The following MAST2 variants were observed in gnomAD, a reference collection of about 807,000 sequenced individuals.
MAST2 encodes the protein microtubule-associated serine/threonine-protein kinase 2.
In MAST2, 70 loss-of-function variants were observed where a neutral mutation model predicts 147.4. The observed-to-expected ratio is 0.47, with a 90% confidence interval of 0.39 to 0.58. The LOEUF is 0.58. Ranked by LOEUF, MAST2 falls within the 20% of genes least tolerant of loss-of-function variation. The pLI, the probability that MAST2 is intolerant of heterozygous loss-of-function variation, is 0.00. For synonymous variants in MAST2, 869 were observed against 896.8 expected, an observed-to-expected ratio of 0.97 and a Z score of 0.55; for missense variants, 2,080 against 2,302.3, an observed-to-expected ratio of 0.90 and a Z score of 1.98.
chr1:45,987,305 A>G (rs1299188706), intron 5 of MAST2, among the ~76,000 whole-genome samples: 3 of 151,400 alleles, frequency 2.0e-5, no homozygotes, highest in South Asian at 4.2e-4. Flanking sequence ...AAACCTGTGT[A>G]TGTTCTTTGT....
chr1:46,005,890 C>T (rs1243796412), intron 7 of MAST2, among the ~76,000 whole-genome samples: 2 of 152,084 alleles, frequency 1.3e-5, no homozygotes, highest in Non-Finnish European at 2.9e-5. Flanking sequence ...TGTGGAAGGG[C>T]GAACTTAAGA....
At chr1:45,986,170 A>G (rs1425589935) in intron 5 of MAST2, among the ~76,000 whole-genome samples, 2 of 152,216 alleles carry the variant, frequency 1.3e-5, no homozygotes, top group African/African-American at 4.8e-5. Context: ...TAAGTTTGTC[A>G]TAGATACCCT....
chr1:45,921,198 G>T (rs6660835), intron 4 of MAST2, among the ~76,000 whole-genome samples: 1 of 151,860 alleles, frequency 6.6e-6, no homozygotes. Flanking sequence ...GTTTCACCAC[G>T]TTGGTCAGGC....
intron 4 of MAST2, among the ~76,000 whole-genome samples, chr1:45,888,393 C>T (rs146384667): frequency 7.3e-4 from 111 of 152,114 alleles, no homozygotes; most frequent in Middle Eastern, 3.4e-3. Context: ...GACTGAGTCT[C>T]GCTCTGTGGT....
At position 45,872,353 on chromosome 1, in the gene MAST2, C is replaced by T. The variant is rs149565681; in HGVS notation, c.469-10011C>T. On this transcript the variant is annotated intron_variant, in intron 3 of 28. Coordinates refer to ENST00000361297, the MANE Select transcript of MAST2 (RefSeq NM_015112.3). ...CTTGCATATTTACTTGTGGGGGTAG[C>T]GGTTACTGCCTTTGGACACTTGGCC... Among the ~76,000 whole-genome samples the T allele has an allele frequency of 1.8e-4, 27 of 152,184 alleles. No homozygotes were observed. In the East Asian group the frequency reaches 3.9e-3, roughly 22 times the overall value.
intron 4 of MAST2, among the ~76,000 whole-genome samples, chr1:45,916,300 T>G (rs145460429): frequency 4.6e-5 from 7 of 152,350 alleles, no homozygotes; most frequent in African/African-American, 1.7e-4. Flanking sequence ...AGTAATTTTT[T>G]TACCTTGGAA....
intron 6 of MAST2, among the ~76,000 whole-genome samples, chr1:45,998,201 C>T (rs1645134081): frequency 6.6e-6 from 1 of 152,126 alleles, no homozygotes; most frequent in African/African-American, 2.4e-5. Flanking sequence ...ACTCTTTGTC[C>T]TCTCTAACTC....
rs1272087600 is a variant in MAST2 at position 46,008,371 on chromosome 1, G to A, written c.978G>A (p.Lys326=). The change falls in exon 9 of 29, where the codon AAG becomes AAA. Residue 326 remains lysine (K), a splice_region_variant and synonymous_variant. Coordinates refer to ENST00000361297, the MANE Select transcript of MAST2 (RefSeq NM_015112.3). ...MNHVYKERFP[K]ATAQMEERLA... is the part of the protein sequence containing the mutation. ...ATGTTTACAAAGAAAGATTCCCAAAGGTAAGGATCCATTTAAAAGGAGAGT... is the reference window on the plus strand; with the variant it reads ...ATGTTTACAAAGAAAGATTCCCAAAAGTAAGGATCCATTTAAAAGGAGAGT... 24 of 1,608,794 alleles carry A rather than the reference G, an allele frequency of 1.5e-5. No individual in the cohort carries two copies. The highest frequency in any genetic ancestry group is 2.0e-5 in the Non-Finnish European group (24 of 1,175,294).
At chr1:45,904,823 T>C (rs914123498) in intron 4 of MAST2, among the ~76,000 whole-genome samples, 4 of 152,056 alleles carry the variant, frequency 2.6e-5, no homozygotes, top group African/African-American at 9.7e-5. Flanking sequence ...GCCACTTTTT[T>C]TGAGAGAGAG....
At chr1:46,017,905 C>T (rs1646025242) in intron 10 of MAST2, among the ~76,000 whole-genome samples, 1 of 152,256 alleles carries the variant, frequency 6.6e-6, no homozygotes, top group South Asian at 2.1e-4. Context: ...ATAGCATTTA[C>T]TGTTTTTCTT....
chr1:46,002,958 A>G (rs1645334674), intron 7 of MAST2, 75 bp downstream of exon 7: 2 of 1,429,400 alleles, frequency 1.4e-6, no homozygotes, highest in Admixed American at 1.7e-5. Flanking sequence ...TAGTGTCACA[A>G]AATGGTTCTC....
chr1:45,838,215 CTTT>C (rs61696475), intron 3 of MAST2, among the ~76,000 whole-genome samples: 3 of 97,964 alleles, frequency 3.1e-5, no homozygotes, highest in Admixed American at 1.2e-4. Context: ...TATATATATT[CTTT>C]TTTTTTTTTT....
chr1:46,030,928 C>G, intron 22 of MAST2, 79 bp from the exon 23 acceptor site: 1 of 1,532,634 alleles, frequency 6.5e-7, no homozygotes. Flanking sequence ...GTTACTATAA[C>G]CCTTGTGTGC....
At position 46,030,141 on chromosome 1, in the gene MAST2, G is replaced by A. The variant is rs201379913; in HGVS notation, c.2456G>A (p.Arg819Gln). 49 of 1,614,118 alleles carry A rather than the reference G, an allele frequency of 3.0e-5. No homozygotes were observed. Among genetic ancestry groups the A allele is most frequent in the Middle Eastern group, 1.6e-4 (1 of 6,084 alleles). The change falls in exon 21 of 29, where the codon CGA becomes CAA. Residue 819 changes from arginine to glutamine, a missense_variant. This residue lies in a region of MAST2 where 1,278 missense variants were observed against 1,304.2 expected (regional missense o/e 0.98). Coordinates refer to ENST00000361297, the MANE Select transcript of MAST2 (RefSeq NM_015112.3). ...DTSYFDTRSE[R>Q]YHHMDSEDEE... ...ATGTCTGGCCCAGCCCGCTCAGAGC[G>A]ATACCACCACATGGACTCGGAGGAT...
chr1:45,851,370 G>A (rs917400243), intron 3 of MAST2, among the ~76,000 whole-genome samples: 9 of 152,100 alleles, frequency 5.9e-5, no homozygotes, highest in Non-Finnish European at 1.0e-4. Flanking sequence ...AGCCTTTGGC[G>A]GAGTCTTTAG....
rs771828003 is a variant in MAST2, at chr1:45,994,840, AT to A, written c.593-2868del. The stretch of plus-strand genomic sequence containing the variant: ...CAGGAGAATAGCCATATCTTCCATA[AT>A]TTTTTTTTTTTTTTTGAGACAGAGT... On this transcript the variant is annotated intron_variant, in intron 5 of 28. Transcript: ENST00000361297. Among the ~76,000 whole-genome samples, 1,128 of 139,084 alleles carry A rather than the reference AT, an allele frequency of 8.1e-3. 4 individuals are homozygous for A. The highest frequency in any genetic ancestry group is 0.012 in the African/African-American group (450 of 37,994). The allele number at this position is 139,084 out of a possible 152,430, so 91.2% of individuals were successfully genotyped here.
intron 4 of MAST2, among the ~76,000 whole-genome samples, chr1:45,939,989 T>TTTTTTTTTTTTTTTTTTTTG (rs1656969343): frequency 7.8e-6 from 1 of 128,882 alleles, no homozygotes; most frequent in East Asian, 2.4e-4. Flanking sequence ...GGTTTTTTTT[T>TTTTTTTTTTTTTTTTTTTTG]TTTTTTTTTT....
chr1:45,962,981 T>G (rs1478326046), intron 5 of MAST2, among the ~76,000 whole-genome samples: 5 of 152,248 alleles, frequency 3.3e-5, no homozygotes, highest in Non-Finnish European at 7.3e-5. Flanking sequence ...TTTCTACATA[T>G]GGCTAGCCAG....
intron 21 of MAST2, 140 bp downstream of exon 21, chr1:46,030,378 C>A: frequency 1.1e-6 from 1 of 882,046 alleles, no homozygotes; most frequent in Non-Finnish European, 1.7e-6. Flanking sequence ...AGGGTTGGGG[C>A]TACATATAGC....
Sources: gnomAD v4.1 joint callset for allele counts (sites outside exome capture counted in the v4.1 genomes callset) on GRCh38, gnomAD v4.1.1 for gene constraint, gnomAD v4.1.1 regional missense constraint, MANE v1.5 for transcripts, NCBI Gene and HGNC (gene_info 2026-07-23, HGNC 2026-07-21) for gene names.